The following SH3GL2 variants were observed in gnomAD, a reference collection of about 807,000 sequenced individuals.
SH3GL2 encodes SH3 domain containing GRB2 like 2, endophilin A1, also known as endophilin-A1.
Under a neutral mutation model 46.0 loss-of-function variants are expected in SH3GL2, and 24 were observed. The ratio of observed to expected loss-of-function variants is 0.52; its 90% CI spans 0.38 to 0.73. The LOEUF is 0.73. Among genes scored for constraint, SH3GL2 ranks in the 30% least tolerant of loss-of-function variants. The probability of loss-of-function intolerance (pLI) is 0.00; values close to 1 mark genes in which losing one functional copy is unlikely to be tolerated. For missense variants in SH3GL2, 413 were observed against 424.2 expected (o/e 0.97, Z 0.23); for synonymous variants, 196 against 147.1 (o/e 1.33, Z -2.40).
chr9:17,750,097 T>A (rs1458810843), intron 2 of SH3GL2, among the ~76,000 whole-genome samples: 1 of 152,222 alleles, frequency 6.6e-6, no homozygotes, highest in Non-Finnish European at 1.5e-5. Context: ...CCACTCATGC[T>A]AAATTTACAT....
intron 1 of SH3GL2, among the ~76,000 whole-genome samples, chr9:17,678,189 A>G (rs902517898): frequency 7.9e-5 from 12 of 152,048 alleles, no homozygotes; most frequent in Non-Finnish European, 1.2e-4. Context: ...TTCTAGTTCT[A>G]GATCCCTGAG....
chr9:17,726,292 T>C lies in SH3GL2; in HGVS notation c.46-20774T>C, dbSNP rs147560419. Among the ~76,000 whole-genome samples, 458 of 152,296 alleles carry C rather than the reference T, an allele frequency of 3.0e-3. 8 individuals are homozygous for C. The highest frequency in any genetic ancestry group is 0.01 in the African/African-American group (416 of 41,582). Reference sequence around the variant, plus strand: ...CTGATGGGCTAATCCTTCATTGTCATTGAATGTGTTCATCAGGCTGCGACC... The same window carrying C: ...CTGATGGGCTAATCCTTCATTGTCACTGAATGTGTTCATCAGGCTGCGACC... On this transcript the variant is annotated intron_variant, in intron 1 of 8. Transcript: ENST00000380607.
chr9:17,744,395 C>T (rs1439584688), intron 1 of SH3GL2, among the ~76,000 whole-genome samples: 10 of 150,054 alleles, frequency 6.7e-5, no homozygotes, highest in Non-Finnish European at 1.2e-4. Context: ...GAGTCTGAGT[C>T]TCACCTGTCA....
chr9:17,729,990 C>T (rs146842608), intron 1 of SH3GL2, among the ~76,000 whole-genome samples: 2 of 151,814 alleles, frequency 1.3e-5, no homozygotes, highest in African/African-American at 2.4e-5. Flanking sequence ...TTTTCTAATT[C>T]TGTGAAGAAA....
chr9:17,653,466 C>G (rs1022122187), intron 1 of SH3GL2, among the ~76,000 whole-genome samples: 4 of 152,010 alleles, frequency 2.6e-5, no homozygotes, highest in Non-Finnish European at 5.9e-5. Context: ...GCCAGGTTTT[C>G]TAAGATACTG....
At chr9:17,675,190 G>C (rs1820576471) in intron 1 of SH3GL2, among the ~76,000 whole-genome samples, 1 of 152,122 alleles carries the variant, frequency 6.6e-6, no homozygotes, top group Non-Finnish European at 1.5e-5. Context: ...GTCACATTGG[G>C]AGCTCATCTT....
chr9:17,746,884 T>G (rs1009993502), intron 1 of SH3GL2, among the ~76,000 whole-genome samples, 182 bp from the exon 2 acceptor site: 30 of 152,184 alleles, frequency 2.0e-4, no homozygotes, highest in African/African-American at 7.0e-4. Context: ...TGCATAGCCT[T>G]TAGTAAGTTT....
Position 17,683,793 on chromosome 9 carries a change from A to G in SH3GL2, c.46-63273A>G, listed in dbSNP as rs578243823. Among the ~76,000 whole-genome samples, 6 of 152,212 alleles carry G rather than the reference A, an allele frequency of 3.9e-5. No homozygotes were observed. In the East Asian group the frequency reaches 9.7e-4, roughly 25 times the overall value. ...ACCTAAAGCTGAGGGTGAAGCAGAC[A>G]TTGAGAAAAACACTGTGGCAAACCA... On this transcript the variant is annotated intron_variant, in intron 1 of 8. Transcript: ENST00000380607.
At chr9:17,625,314 G>A (rs1015551787) in intron 1 of SH3GL2, among the ~76,000 whole-genome samples, 6 of 152,164 alleles carry the variant, frequency 3.9e-5, no homozygotes, top group African/African-American at 1.2e-4. Flanking sequence ...TCCTGGTCCA[G>A]AAGCCCCACT....
intron 1 of SH3GL2, among the ~76,000 whole-genome samples, chr9:17,693,133 C>CTTTT (rs941700035): frequency 6.6e-6 from 1 of 152,080 alleles, no homozygotes; most frequent in Middle Eastern, 3.2e-3. Context: ...GAAAATAAAA[C>CTTTT]TTTTTTTAAG....
chr9:17,581,240 C>A (rs576130478), intron 1 of SH3GL2, among the ~76,000 whole-genome samples: 83 of 136,326 alleles, frequency 6.1e-4, no homozygotes, highest in African/African-American at 2.1e-3. Flanking sequence ...AGTTCTGTGT[C>A]GCCCTAAAGT....
At chr9:17,759,241 T>C (rs1823099216) in intron 2 of SH3GL2, among the ~76,000 whole-genome samples, 1 of 152,122 alleles carries the variant, frequency 6.6e-6, no homozygotes, top group African/African-American at 2.4e-5. Context: ...GAGCCTCCCT[T>C]CCAGAGAGGC....
chr9:17,698,991 C>T (rs967724833), intron 1 of SH3GL2, among the ~76,000 whole-genome samples: 1 of 151,750 alleles, frequency 6.6e-6, no homozygotes, highest in African/African-American at 2.4e-5. Context: ...CCCGTCTCTA[C>T]TAAAATACAA....
intron 1 of SH3GL2, among the ~76,000 whole-genome samples, chr9:17,622,965 CTTT>C (rs1819178378): frequency 7.6e-6 from 1 of 131,680 alleles, no homozygotes; most frequent in African/African-American, 2.9e-5. Flanking sequence ...TCCTCCCTCC[CTTT>C]TCCTTTCGTT....
At chr9:17,638,543 G>C (rs955130120) in intron 1 of SH3GL2, among the ~76,000 whole-genome samples, 1 of 152,236 alleles carries the variant, frequency 6.6e-6, no homozygotes, top group Non-Finnish European at 1.5e-5. Flanking sequence ...ATTTTGGATA[G>C]AGTGGTGAGA....
At chr9:17,681,979 A>G (rs577441930) in intron 1 of SH3GL2, among the ~76,000 whole-genome samples, 1 of 152,288 alleles carries the variant, frequency 6.6e-6, no homozygotes, top group African/African-American at 2.4e-5. Context: ...AACATCAGTG[A>G]TCATTAGAGA....
chr9:17,656,194 A>G (rs1820072308), intron 1 of SH3GL2, among the ~76,000 whole-genome samples: 1 of 152,110 alleles, frequency 6.6e-6, no homozygotes. Context: ...ATCATTTATC[A>G]TTTCTATTGG....
intron 1 of SH3GL2, among the ~76,000 whole-genome samples, chr9:17,723,727 G>C (rs1447679482): frequency 1.3e-5 from 2 of 152,016 alleles, no homozygotes; most frequent in African/African-American, 4.8e-5. Context: ...TACCTATGAA[G>C]ACTTGCCTCC....
intron 1 of SH3GL2, among the ~76,000 whole-genome samples, chr9:17,601,465 G>T (rs1818671507): frequency 6.6e-6 from 1 of 152,136 alleles, no homozygotes; most frequent in Non-Finnish European, 1.5e-5. Context: ...GTTTGTGCGT[G>T]CCTCTGCAGT....
Sources: allele counts gnomAD v4.1 joint callset (sites outside exome capture counted in the v4.1 genomes callset), GRCh38; gene constraint gnomAD v4.1.1; transcripts MANE v1.5; gene names NCBI Gene and HGNC (gene_info 2026-07-23, HGNC 2026-07-21).